Variants in TCERG1L observed in about 807,000 individuals in gnomAD.
TCERG1L encodes the protein transcription elongation regulator 1 like.
Under a neutral mutation model 56.3 loss-of-function variants are expected in TCERG1L, and 37 were observed. The ratio of observed to expected loss-of-function variants is 0.66; its 90% CI spans 0.51 to 0.87. TCERG1L has a LOEUF of 0.87. Ranked by LOEUF, TCERG1L falls within the 40% of genes least tolerant of loss-of-function variation. The pLI is 0.00. For missense variants in TCERG1L, 799 were observed against 774.2 expected (o/e 1.03, Z -0.38); for synonymous variants, 324 against 326.3 (o/e 0.99, Z 0.08).
intron 4 of TCERG1L, among the ~76,000 whole-genome samples, chr10:131,225,222 A>C (rs1309770701): frequency 6.6e-6 from 1 of 152,194 alleles, no homozygotes; most frequent in Non-Finnish European, 1.5e-5. Flanking sequence ...AAATGCTACA[A>C]CCTGATAAGG....
At chr10:131,120,284 CA>C (rs1157958289) in intron 8 of TCERG1L, among the ~76,000 whole-genome samples, 1 of 152,178 alleles carries the variant, frequency 6.6e-6, no homozygotes, top group Non-Finnish European at 1.5e-5. Flanking sequence ...GTAAAATGCA[CA>C]AATCCAAGAC....
At chr10:131,178,707 G>A (rs1441934341) in intron 4 of TCERG1L, among the ~76,000 whole-genome samples, 2 of 152,106 alleles carry the variant, frequency 1.3e-5, no homozygotes, top group African/African-American at 4.8e-5. Context: ...GCCATCGCTC[G>A]CCCTGCCCCA....
chr10:131,215,379 C>T (rs1845659990), intron 4 of TCERG1L, among the ~76,000 whole-genome samples: 3 of 152,158 alleles, frequency 2.0e-5, no homozygotes, highest in Admixed American at 2.0e-4. Flanking sequence ...GAGGAAATTA[C>T]CTTAAAATGT....
At chr10:131,099,548 A>G (rs1298147271) in intron 10 of TCERG1L, among the ~76,000 whole-genome samples, 1 of 152,234 alleles carries the variant, frequency 6.6e-6, no homozygotes, top group Non-Finnish European at 1.5e-5. Flanking sequence ...GGCAGATCCT[A>G]GAATGTGACC....
intron 7 of TCERG1L, among the ~76,000 whole-genome samples, chr10:131,145,523 A>G (rs1453533053): frequency 6.6e-6 from 1 of 152,258 alleles, no homozygotes; most frequent in Admixed American, 6.5e-5. Flanking sequence ...TGATGTCTCA[A>G]TCTTAAAAGA....
intron 11 of TCERG1L, among the ~76,000 whole-genome samples, chr10:131,097,437 T>A (rs1845260943): frequency 6.6e-6 from 1 of 152,178 alleles, no homozygotes; most frequent in Non-Finnish European, 1.5e-5. Context: ...AAGCTCCGCC[T>A]CCCAGGTTTA....
chr10:131,223,597 C>T (rs939663031), intron 4 of TCERG1L, among the ~76,000 whole-genome samples: 53 of 152,198 alleles, frequency 3.5e-4, no homozygotes, highest in African/African-American at 1.2e-3. Context: ...TGTGTGCACA[C>T]TCACCCACAT....
Position 131,199,461 on chromosome 10 carries a change from T to C in TCERG1L, c.857-32576A>G, listed in dbSNP as rs188679126. Among the ~76,000 whole-genome samples, 49 of 152,274 alleles carry C rather than the reference T, an allele frequency of 3.2e-4. 1 individual carries two copies. Among genetic ancestry groups the C allele is most frequent in the African/African-American group, 1.1e-3 (47 of 41,568 alleles). On this transcript the variant is annotated intron_variant, in intron 4 of 11. Coordinates refer to ENST00000368642, the MANE Select transcript of TCERG1L (RefSeq NM_174937.4). Reference sequence around the variant, plus strand: ...CTCGCAAAGCTCTGCCTTCACCAAGTCCCAGGACACAGACACAGCTCACCC... The same window carrying C: ...CTCGCAAAGCTCTGCCTTCACCAAGCCCCAGGACACAGACACAGCTCACCC...
chr10:131,116,172 G>A (rs1359595378), intron 9 of TCERG1L, among the ~76,000 whole-genome samples: 4 of 152,264 alleles, frequency 2.6e-5, no homozygotes, highest in Admixed American at 2.0e-4. Flanking sequence ...ATTGAAAGGA[G>A]ATCTGAATAC....
chr10:131,191,462 C>T lies in TCERG1L; in HGVS notation c.857-24577G>A, dbSNP rs376353141. ...AAAACAAACAAATCTGGAGGCATCA[C>T]ATTACTGGACCTCAAATTATACTAT... On this transcript the variant is annotated intron_variant, in intron 4 of 11. Transcript: ENST00000368642. Among the ~76,000 whole-genome samples, 87 of 144,048 alleles carry T rather than the reference C, an allele frequency of 6.0e-4. 9 individuals carry two copies. In the Middle Eastern group the frequency reaches 0.022, roughly 37 times the overall value. 94.5% of individuals were successfully genotyped at this position (144,048 alleles called of 152,430 possible).
At chr10:131,143,818 T>C (rs1845765596) in intron 7 of TCERG1L, among the ~76,000 whole-genome samples, 1 of 152,090 alleles carries the variant, frequency 6.6e-6, no homozygotes, top group Non-Finnish European at 1.5e-5. Flanking sequence ...TGGCATTTAT[T>C]CTCAACTAAC....
In TCERG1L at chr10:131,176,868, GCA is replaced by G. The variant is rs1241004652; in HGVS notation, c.857-9985_857-9984del. Among the ~76,000 whole-genome samples, 6 of 151,096 alleles carry G rather than the reference GCA, an allele frequency of 4.0e-5. No individual in the cohort carries two copies. The South Asian group carries it at 1.3e-3, about 32-fold the overall frequency. On this transcript the variant is annotated intron_variant, in intron 4 of 11. Transcript: ENST00000368642. ...CACATAGGAACACACAGAGACACGTGCACACACACCAAAACACATGCACACAC... is the reference window on the plus strand; with the variant it reads ...CACATAGGAACACACAGAGACACGTGCACACACCAAAACACATGCACACAC...
At chr10:131,199,841 C>T (rs1157884175) in intron 4 of TCERG1L, among the ~76,000 whole-genome samples, 2 of 152,300 alleles carry the variant, frequency 1.3e-5, no homozygotes, top group Non-Finnish European at 2.9e-5. Context: ...AGCCACCCCT[C>T]GTTCTCTTTC....
intron 4 of TCERG1L, among the ~76,000 whole-genome samples, chr10:131,243,531 T>C (rs1225255777): frequency 1.3e-5 from 2 of 152,270 alleles, no homozygotes; most frequent in East Asian, 3.9e-4. Context: ...GCCACTGCAC[T>C]CCAGCACTCC....
intron 4 of TCERG1L, among the ~76,000 whole-genome samples, chr10:131,177,549 T>C (rs565357869): frequency 6.6e-6 from 1 of 152,364 alleles, no homozygotes; most frequent in Non-Finnish European, 1.5e-5. Context: ...GCCATTGCAG[T>C]GTCCCGAAGT....
chr10:131,108,842 A>T (rs954732368), intron 9 of TCERG1L, among the ~76,000 whole-genome samples: 2 of 152,128 alleles, frequency 1.3e-5, no homozygotes, highest in African/African-American at 4.8e-5. Flanking sequence ...GCAGGGCTGA[A>T]GTTTTCCATG....
chr10:131,150,970 A>C (rs894801010), intron 6 of TCERG1L, among the ~76,000 whole-genome samples: 1 of 152,204 alleles, frequency 6.6e-6, no homozygotes, highest in Non-Finnish European at 1.5e-5. Context: ...TTATAAAACC[A>C]TCAGATCTCA....
intron 4 of TCERG1L, among the ~76,000 whole-genome samples, chr10:131,234,952 T>A (rs1225472281): frequency 6.6e-6 from 1 of 152,192 alleles, no homozygotes; most frequent in Non-Finnish European, 1.5e-5. Flanking sequence ...TCTGCCCACC[T>A]CTGCCTCCCA....
At chr10:131,269,014 C>A (rs1485037070) in intron 3 of TCERG1L, among the ~76,000 whole-genome samples, 1 of 152,212 alleles carries the variant, frequency 6.6e-6, no homozygotes. Flanking sequence ...CACAACTCAG[C>A]TAACTTGTTG....
Sources: gnomAD v4.1 joint callset for allele counts (sites outside exome capture counted in the v4.1 genomes callset) on GRCh38, gnomAD v4.1.1 for gene constraint, MANE v1.5 for transcripts, NCBI Gene and HGNC (gene_info 2026-07-23, HGNC 2026-07-21) for gene names.